AGAP1: variants seen among roughly 807,000 people sequenced by gnomAD.
The protein encoded by AGAP1 is ArfGAP with GTPase domain, ankyrin repeat and PH domain 1, also known as arf-GAP with GTPase, ANK repeat and PH domain-containing protein 1.
In AGAP1, 29 loss-of-function variants were observed where a neutral mutation model predicts 105.3. The ratio of observed to expected loss-of-function variants is 0.28; its 90% CI spans 0.21 to 0.38. AGAP1 has a LOEUF of 0.38. Ranked by LOEUF, AGAP1 falls within the 10% of genes least tolerant of loss-of-function variation. The pLI, the probability that AGAP1 is intolerant of heterozygous loss-of-function variation, is 1.00. For missense variants in AGAP1, 998 were observed against 1,165.1 expected (o/e 0.86, Z 2.09); for synonymous variants, 509 against 485.9 (o/e 1.05, Z -0.63).
chr2:235,675,190 G>GTTGGT (rs1305208869), intron 1 of AGAP1, among the ~76,000 whole-genome samples: 1 of 127,282 alleles, frequency 7.9e-6, no homozygotes, highest in East Asian at 2.3e-4. Flanking sequence ...TGGTTGGTTG[G>GTTGGT]TTTTTTTTTT....
At chr2:235,684,718 A>G (rs1949286988) in intron 1 of AGAP1, among the ~76,000 whole-genome samples, 1 of 152,204 alleles carries the variant, frequency 6.6e-6, no homozygotes, top group South Asian at 2.1e-4. Flanking sequence ...GTATGAGGGA[A>G]GCTACTGTTT....
intron 3 of AGAP1, among the ~76,000 whole-genome samples, chr2:235,726,139 TC>T (rs1169372062): frequency 6.6e-6 from 1 of 152,192 alleles, no homozygotes; most frequent in East Asian, 1.9e-4. Flanking sequence ...GAGCCTGTGT[TC>T]CAGAGAAAAT....
Position 235,875,591 on chromosome 2 carries a change from C to T in AGAP1, c.1051-7754C>T, listed in dbSNP as rs533303992. Among the ~76,000 whole-genome samples, 14 of 152,262 alleles carry T rather than the reference C, an allele frequency of 9.2e-5. No individual in the cohort carries two copies. The highest frequency in any genetic ancestry group is 2.1e-4 in the South Asian group (1 of 4,822). The stretch of plus-strand genomic sequence containing the variant: ...ATTCCCAGCACGTTTCCTGAGGTTC[C>T]GCCTGCAGCCCGGGCCTGTGGTGGA... On this transcript the variant is annotated intron_variant, in intron 9 of 17. Transcript: ENST00000304032. This position sits in a 1 kb window ranked among gnomAD's most constrained non-coding sequence, Gnocchi z 4.0.
intron 1 of AGAP1, among the ~76,000 whole-genome samples, chr2:235,672,962 A>G (rs1191736066): frequency 2.0e-5 from 3 of 152,206 alleles, no homozygotes; most frequent in Non-Finnish European, 4.4e-5. Flanking sequence ...GGTCTGAGAC[A>G]TGATATTACC....
rs1312953368 is a variant in AGAP1, at chr2:236,012,650, T to C, written c.1646-23911T>C. 6.6e-6 allele frequency among the ~76,000 whole-genome samples: 1 copy of C among 152,162 alleles called. No individual in the cohort carries two copies. The highest frequency in any genetic ancestry group is 1.5e-5 in the Non-Finnish European group (1 of 68,022). ...TACTTAGGTAGGACCTTATAGATAG[T>C]GAAGAAACCTGAAGGTATAGACATA... On this transcript the variant is annotated intron_variant, in intron 13 of 17. Transcript: ENST00000304032. The surrounding 1 kb of genome is among the most constrained non-coding windows in gnomAD (Gnocchi z 4.9).
At position 235,713,859 on chromosome 2, in the gene AGAP1, G is replaced by A. The variant is rs1950966835; in HGVS notation, c.223-3698G>A. 2.0e-5 allele frequency among the ~76,000 whole-genome samples: 3 copies of A among 152,314 alleles called. No homozygotes were observed. The South Asian group carries it at 6.2e-4, about 32-fold the overall frequency. ...TGAGGACCTGCTTGCTGGTTCGTAG[G>A]TGGCATCTTCTTGCTGTGTCCTCAC... On this transcript the variant is annotated intron_variant, in intron 2 of 17. Transcript: ENST00000304032.
chr2:235,548,315 C>A (rs1046897416), intron 1 of AGAP1, among the ~76,000 whole-genome samples: 2 of 152,196 alleles, frequency 1.3e-5, no homozygotes, highest in East Asian at 1.9e-4. Context: ...CTCCCATTTC[C>A]TTCTCCTCCA....
chr2:236,079,372 A>G lies in AGAP1; in HGVS notation c.2114+30091A>G, dbSNP rs1228995430. Among the ~76,000 whole-genome samples, 29 of 60,868 alleles carry G rather than the reference A, an allele frequency of 4.8e-4. No individual in the cohort carries two copies. The African/African-American group carries it at 5.9e-3, about 12-fold the overall frequency. The allele number at this position is 60,868 out of a possible 152,430, so 39.9% of individuals were successfully genotyped here. ...TGTCTCTACAAAAAAAGAAAATTTA[A>G]AAAAAAAAAAAAAAAAACAGGCATG... is the stretch of plus-strand genomic sequence containing the variant. On this transcript the variant is annotated intron_variant, in intron 16 of 17. Transcript: ENST00000304032.
intron 13 of AGAP1, among the ~76,000 whole-genome samples, chr2:236,008,087 GT>G (rs1430049409): frequency 6.6e-6 from 1 of 152,226 alleles, no homozygotes; most frequent in African/African-American, 2.4e-5. Context: ...CAAGTATTCA[GT>G]CCTAACATAT....
intron 6 of AGAP1, among the ~76,000 whole-genome samples, chr2:235,759,261 T>C (rs868645351): frequency 9.4e-5 from 14 of 148,856 alleles, no homozygotes; most frequent in African/African-American, 2.7e-4. Context: ...CTCCACCTCC[T>C]GGGTTCACAC....
rs529945990 is a variant in AGAP1, at chr2:235,568,169, C to T, written c.163+73320C>T. Among the ~76,000 whole-genome samples the T allele has an allele frequency of 2.6e-5, 4 of 152,194 alleles. No homozygotes were observed. In the East Asian group the frequency reaches 7.8e-4, roughly 30 times the overall value. The stretch of plus-strand genomic sequence containing the variant: ...GCTGCAGCCTCCATGAAAGGAGGCC[C>T]CTGAAGGTGGCAGGTTGTCAGATCG... On this transcript the variant is annotated intron_variant, in intron 1 of 17. Transcript: ENST00000304032.
At chr2:235,702,584 C>T (rs1249507105) in intron 1 of AGAP1, among the ~76,000 whole-genome samples, 1 of 152,160 alleles carries the variant, frequency 6.6e-6, no homozygotes, top group Non-Finnish European at 1.5e-5. Flanking sequence ...GAGTCATTTC[C>T]AGGATTACTT....
Position 236,035,251 on chromosome 2 carries a change from G to C in AGAP1, c.1646-1310G>C, listed in dbSNP as rs968553680. ...AAGTCAGTACTAATAATAGTTGCTC[G>C]CCAGGGGATTATAATGCAGCTAGTT... On this transcript the variant is annotated intron_variant, in intron 13 of 17. Transcript: ENST00000304032. This position sits in a 1 kb window ranked among gnomAD's most constrained non-coding sequence, Gnocchi z 4.2. Among the ~76,000 whole-genome samples the C allele has an allele frequency of 6.6e-6, 1 of 152,176 alleles. No individual in the cohort carries two copies. Among genetic ancestry groups the C allele is most frequent in the Non-Finnish European group, 1.5e-5 (1 of 68,022 alleles).
chr2:235,763,987 T>TATGCGGCTATGATCC (rs1353422633), intron 6 of AGAP1, among the ~76,000 whole-genome samples: 5 of 152,142 alleles, frequency 3.3e-5, no homozygotes, highest in African/African-American at 9.7e-5. Flanking sequence ...TGAAGATCTG[T>TATGCGGCTATGATCC]GTGTGGCTGT....
chr2:235,867,564 T>TGTGTGC lies in AGAP1; in HGVS notation c.1051-15776_1051-15775insCGTGTG, dbSNP rs959828012. On this transcript the variant is annotated intron_variant, in intron 9 of 17. Coordinates refer to ENST00000304032, the MANE Select transcript of AGAP1 (RefSeq NM_001037131.3). The surrounding 1 kb of genome is among the most constrained non-coding windows in gnomAD (Gnocchi z 5.4). The stretch of plus-strand genomic sequence containing the variant: ...GTGTGTGTGTGTGTGTGTGTGTGTG[T>TGTGTGC]GTGTGTGTGTGCAAGTGAGGGAGGG... Among the ~76,000 whole-genome samples, 3 of 150,016 alleles carry TGTGTGC rather than the reference T, an allele frequency of 2.0e-5. No individual in the cohort carries two copies. The highest frequency in any genetic ancestry group is 4.4e-5 in the Non-Finnish European group (3 of 67,486).
Position 235,958,938 on chromosome 2 carries a change from A to T in AGAP1, c.1484-9524A>T, listed in dbSNP as rs1462608612. On this transcript the variant is annotated intron_variant, in intron 12 of 17. Transcript: ENST00000304032. This position sits in a 1 kb window ranked among gnomAD's most constrained non-coding sequence, Gnocchi z 4.1. The stretch of plus-strand genomic sequence containing the variant: ...GATTGTGATCATTATTGCTCGTATT[A>T]TATATTTTTTGGGGTGTGCGTTGAA... Among the ~76,000 whole-genome samples, 3 of 152,140 alleles carry T rather than the reference A, an allele frequency of 2.0e-5. 1 individual carries two copies. The highest frequency in any genetic ancestry group is 7.2e-5 in the African/African-American group (3 of 41,414).
chr2:235,687,675 A>G (rs1157735319), intron 1 of AGAP1, among the ~76,000 whole-genome samples: 1 of 152,190 alleles, frequency 6.6e-6, no homozygotes, highest in Non-Finnish European at 1.5e-5. Flanking sequence ...CAAAATACAC[A>G]GGAATGCAGG....
intron 12 of AGAP1, among the ~76,000 whole-genome samples, chr2:235,955,065 G>A (rs896349869): frequency 1.3e-5 from 2 of 152,192 alleles, no homozygotes; most frequent in African/African-American, 4.8e-5. Flanking sequence ...GGTGAGGCCG[G>A]TTGAGGGTAG....
At chr2:235,952,636 T>C (rs10187771) in intron 12 of AGAP1, among the ~76,000 whole-genome samples, 92,541 of 152,040 alleles carry the variant, frequency 0.61, 28,630 homozygotes, top group South Asian at 0.8. Flanking sequence ...TATTCTGTTT[T>C]GTTCCACTAC....
Sources: gnomAD v4.1 joint callset for allele counts (sites outside exome capture counted in the v4.1 genomes callset) on GRCh38, gnomAD v4.1.1 for gene constraint, Gnocchi (gnomAD v3.1) non-coding constraint, MANE v1.5 for transcripts, NCBI Gene and HGNC (gene_info 2026-07-23, HGNC 2026-07-21) for gene names.